Variants in DNAJB13 observed in about 807,000 individuals in gnomAD.
DNAJB13 encodes the protein DnaJ heat shock protein family (Hsp40) member B13.
In DNAJB13, 22 loss-of-function variants were observed where a neutral mutation model predicts 35.6. The observed-to-expected ratio is 0.62, with a 90% CI of 0.44 to 0.88. The LOEUF is 0.88. Ranked by LOEUF, DNAJB13 falls within the 40% of genes least tolerant of loss-of-function variation. The pLI is 0.00. For missense variants in DNAJB13, 370 were observed against 384.3 expected (o/e 0.96, Z 0.31); for synonymous variants, 136 against 144.2 (o/e 0.94, Z 0.41).
intron 1 of DNAJB13, 151 bp from the exon 2 acceptor site, chr11:73,958,166 C>A: frequency 1.4e-6 from 1 of 713,732 alleles, no homozygotes; most frequent in South Asian, 1.7e-5. Flanking sequence ...TCTTCAAGAG[C>A]TGAGCAGTGC....
chr11:73,966,132 C>A lies in DNAJB13; in HGVS notation c.493-6C>A, dbSNP rs1231911003. 1 of 1,610,440 alleles carries A rather than the reference C, an allele frequency of 6.2e-7. No homozygotes were observed. The highest frequency in any genetic ancestry group is 2.2e-5 in the East Asian group (1 of 44,850). On this transcript the variant is annotated splice_region_variant and splice_polypyrimidine_tract_variant and intron_variant, in intron 4 of 7. Transcript: ENST00000339764. ...AGACCTCCCCACACCTGATATGTTG[C>A]TATAGGTGCTGAACGAGGATGGGTA...
At chr11:73,964,580 T>G (rs1215954888) in intron 3 of DNAJB13, 15 of 306,404 alleles carry the variant, frequency 4.9e-5, no homozygotes, top group East Asian at 1.8e-4. Flanking sequence ...CGGGGAAGCG[T>G]TGGGCGGGGT....
intron 1 of DNAJB13, among the ~76,000 whole-genome samples, chr11:73,954,419 A>C (rs893490572): frequency 6.7e-6 from 1 of 149,780 alleles, no homozygotes; most frequent in Non-Finnish European, 1.5e-5. Flanking sequence ...TCACGAGTTC[A>C]GGAGATCAAG....
At chr11:73,966,358 G>A in intron 5 of DNAJB13, 107 bp downstream of exon 5, 2 of 1,057,544 alleles carry the variant, frequency 1.9e-6, no homozygotes, top group Non-Finnish European at 2.8e-6. Context: ...GCCCCTGTGA[G>A]CCTTGGTCTG....
intron 3 of DNAJB13, chr11:73,964,518 C>T (rs917110190): frequency 1.1e-5 from 3 of 276,194 alleles, no homozygotes; most frequent in Non-Finnish European, 2.1e-5. Flanking sequence ...GGGAGTGCCT[C>T]CCTTTCCTGA....
chr11:73,963,465 A>G (rs908930663), intron 3 of DNAJB13, among the ~76,000 whole-genome samples: 1 of 152,196 alleles, frequency 6.6e-6, no homozygotes, highest in Non-Finnish European at 1.5e-5. Context: ...TCTACAGGGC[A>G]TCGCTCATTG....
intron 5 of DNAJB13, 59 bp downstream of exon 5, chr11:73,966,310 A>G (rs1951114941): frequency 6.6e-7 from 1 of 1,504,358 alleles, no homozygotes; most frequent in Non-Finnish European, 9.1e-7. Flanking sequence ...GGGAAGACTG[A>G]GGAGGAAAGG....
chr11:73,964,746 G>C (rs1287221907), intron 3 of DNAJB13, 132 bp from the exon 4 acceptor site: 6 of 1,005,818 alleles, frequency 6.0e-6, no homozygotes, highest in Middle Eastern at 3.1e-4. Flanking sequence ...AGGTTGGGGA[G>C]CATATCTGGA....
intron 1 of DNAJB13, among the ~76,000 whole-genome samples, chr11:73,957,498 C>G (rs984380767): frequency 6.6e-6 from 1 of 152,216 alleles, no homozygotes; most frequent in Admixed American, 6.5e-5. Context: ...TACATATTCT[C>G]AGACGCTGCG....
At position 73,964,802 on chromosome 11, in the gene DNAJB13, T is replaced by C. The variant is rs754742909; in HGVS notation, c.335-76T>C. On this transcript the variant is annotated intron_variant, in intron 3 of 7. Transcript: ENST00000339764. ...GTGTGTGTGTGTGTGTGTGTGTGTG[T>C]GTGTGTGTGTGCGCGCGCGCGCATG... is the stretch of plus-strand genomic sequence containing the variant. 6.8e-3 allele frequency: 5,269 copies of C among 771,220 alleles called. 45 individuals carry two copies. The highest frequency in any genetic ancestry group is 0.019 in the East Asian group (621 of 33,150). The allele number at this position is 771,220 out of a possible 1,614,324, so 47.8% of individuals were successfully genotyped here.
intron 3 of DNAJB13, among the ~76,000 whole-genome samples, chr11:73,961,892 C>T (rs544132879): frequency 1.3e-4 from 20 of 152,286 alleles, no homozygotes; most frequent in Middle Eastern, 3.4e-3. Flanking sequence ...TGGGTTCAAG[C>T]GATTCTCCTG....
intron 1 of DNAJB13, among the ~76,000 whole-genome samples, chr11:73,955,264 C>T (rs1354791270): frequency 6.6e-6 from 1 of 151,480 alleles, no homozygotes; most frequent in Admixed American, 6.6e-5. Context: ...TTTGAAACCA[C>T]TCAAATTTAT....
intron 3 of DNAJB13, 63 bp from the exon 4 acceptor site, chr11:73,964,815 G>GCGCGCGCCCGCCCC (rs1554992102): frequency 1.0e-6 from 1 of 974,090 alleles, no homozygotes; most frequent in Admixed American, 2.3e-5. Flanking sequence ...GTGTGTGTGC[G>GCGCGCGCCCGCCCC]CGCGCGCGCA....
intron 5 of DNAJB13, 127 bp downstream of exon 5, chr11:73,966,378 C>T: frequency 2.4e-6 from 2 of 830,614 alleles, no homozygotes; most frequent in Non-Finnish European, 3.9e-6. Context: ...GTAGAGAGCC[C>T]AGTCTGCAGA....
chr11:73,951,556 T>C (rs1433275614), intron 1 of DNAJB13, among the ~76,000 whole-genome samples: 1 of 152,232 alleles, frequency 6.6e-6, no homozygotes, highest in Non-Finnish European at 1.5e-5. Context: ...CTAAACTACA[T>C]TCCTGAATAC....
At chr11:73,966,273 T>C in intron 5 of DNAJB13, 22 bp downstream of exon 5, 1 of 1,600,426 alleles carries the variant, frequency 6.2e-7, no homozygotes, top group Non-Finnish European at 8.5e-7. Context: ...AGAAGCTGAC[T>C]CAGGTCAGTC....
At chr11:73,958,475 C>T (rs777544223) in intron 2 of DNAJB13, 55 bp downstream of exon 2, 6 of 1,408,402 alleles carry the variant, frequency 4.3e-6, no homozygotes, top group Admixed American at 1.9e-5. Context: ...CCTTAAGTCT[C>T]TAGACTGTTG....
intron 1 of DNAJB13, among the ~76,000 whole-genome samples, chr11:73,957,713 G>C (rs901457072): frequency 6.6e-6 from 1 of 152,166 alleles, no homozygotes; most frequent in Non-Finnish European, 1.5e-5. Context: ...CACAGGAACC[G>C]GACGGGCACT....
rs372521296 is a variant in DNAJB13, at chr11:73,970,097, C to T, written c.934C>T (p.Gln312Ter). The T allele has an allele frequency of 2.5e-6, 4 of 1,606,502 alleles. No homozygotes were observed. Among genetic ancestry groups the T allele is most frequent in the Admixed American group, 1.7e-5 (1 of 59,098 alleles). ...LTPQKKQMLR[Q>*]ALLT ...ACCCCAGAAGAAGCAGATGCTGCGC[C>T]AGGCATTGCTGACATGACTGTGGTG... The change falls in exon 8 of 8, where the codon CAG becomes TAG. Residue 312 changes from glutamine to a stop codon, truncating the protein, a stop_gained. Transcript: ENST00000339764. LOFTEE classifies it high-confidence loss of function.
Sources: allele counts gnomAD v4.1 joint callset (sites outside exome capture counted in the v4.1 genomes callset), GRCh38; gene constraint gnomAD v4.1.1; transcripts MANE v1.5; gene names NCBI Gene and HGNC (gene_info 2026-07-23, HGNC 2026-07-21).